The following ATP10B variants were observed in gnomAD, a reference collection of about 807,000 sequenced individuals.
ATP10B encodes phospholipid-transporting ATPase VB.
ATP10B carries 122 observed loss-of-function variants against 141.2 expected under a neutral mutation model. The ratio of observed to expected loss-of-function variants is 0.86; its 90% CI spans 0.75 to 1.00. The LOEUF is 1.00. ATP10B is among the 50% of genes least tolerant of loss of function. The probability of loss-of-function intolerance (pLI) is 0.00; values close to 1 mark genes in which losing one functional copy is unlikely to be tolerated. For synonymous variants in ATP10B, 685 were observed against 692.0 expected (o/e 0.99, Z 0.16); for missense variants, 1,876 against 1,825.3 (o/e 1.03, Z -0.51).
At chr5:160,808,571 TC>T (rs1417577314) in intron 1 of ATP10B, among the ~76,000 whole-genome samples, 2 of 152,292 alleles carry the variant, frequency 1.3e-5, no homozygotes, top group South Asian at 4.1e-4. Context: ...AATAAACCTT[TC>T]CCTACCTTAA....
At position 160,606,931 on chromosome 5, in the gene ATP10B, G is replaced by C; in HGVS notation, c.2994C>G (p.Ile998Met). 6.2e-7 allele frequency: 1 copy of C among 1,614,118 alleles called. No individual in the cohort carries two copies. The highest frequency in any genetic ancestry group is 8.5e-7 in the Non-Finnish European group (1 of 1,180,020). Residue 998 changes from isoleucine (I) to methionine (M), a missense_variant, in exon 19 of 26, where the codon ATC becomes ATG. Ile to Met is a conservative substitution (Grantham distance 10). Transcript: ENST00000327245. Reference sequence around the variant, plus strand: ...AGATGGCATTCAATGTCTTCCCATCGATGACCAATCCAGCTTCTGGAACCA... The same window carrying C: ...AGATGGCATTCAATGTCTTCCCATCCATGACCAATCCAGCTTCTGGAACCA... Reference protein sequence around the residue: ...EAVVPEAGLVIDGKTLNAIFQ... With the variant: ...EAVVPEAGLVMDGKTLNAIFQ...
At chr5:160,830,636 C>T (rs1033365393) in intron 1 of ATP10B, among the ~76,000 whole-genome samples, 1 of 151,780 alleles carries the variant, frequency 6.6e-6, no homozygotes, top group Non-Finnish European at 1.5e-5. Flanking sequence ...AGAAATTGAG[C>T]CAAATTTTTA....
chr5:160,660,964 A>C (rs1355853674), intron 7 of ATP10B, among the ~76,000 whole-genome samples: 1 of 152,224 alleles, frequency 6.6e-6, no homozygotes, highest in African/African-American at 2.4e-5. Context: ...AGGTGGGCGG[A>C]TCAACTGAGG....
intron 1 of ATP10B, among the ~76,000 whole-genome samples, chr5:160,825,466 C>T (rs1338540998): frequency 4.6e-5 from 7 of 152,170 alleles, no homozygotes; most frequent in African/African-American, 1.4e-4. Context: ...ATGCCTTTCA[C>T]CTTCCACCAA....
At chr5:160,915,878 T>C in the ATP10B span, among the ~76,000 whole-genome samples, 1 of 152,076 alleles carries the variant, frequency 6.6e-6, no homozygotes, top group Non-Finnish European at 1.5e-5. Flanking sequence ...GAGTACATGC[T>C]CTCCTGTTCT....
At position 160,687,825 on chromosome 5, in the gene ATP10B, GGGGCA is replaced by G; in HGVS notation, c.245_249del (p.Leu82ProfsTer5). The G allele has an allele frequency of 6.2e-7, 1 of 1,613,998 alleles. No homozygotes were observed. Among genetic ancestry groups the G allele is most frequent in the East Asian group, 2.2e-5 (1 of 44,886 alleles). On this transcript the variant is annotated frameshift_variant, in exon 5 of 26. Coordinates refer to ENST00000327245, the MANE Select transcript of ATP10B (RefSeq NM_025153.3). LOFTEE classifies it high-confidence loss of function. ...CTATGAAATTGCTCAAAGAGATTCCGGGGCAGGAAGGTGAAGAGGGTGTATTTGGT... is the reference window on the plus strand; with the variant it reads ...CTATGAAATTGCTCAAAGAGATTCCGGGAAGGTGAAGAGGGTGTATTTGGT...
intron 24 of ATP10B, among the ~76,000 whole-genome samples, chr5:160,573,305 G>C (rs1754993886): frequency 6.6e-6 from 1 of 152,222 alleles, no homozygotes; most frequent in Non-Finnish European, 1.5e-5. Context: ...ATCAGCTGCT[G>C]CACTGATCTT....
the ATP10B span, among the ~76,000 whole-genome samples, chr5:160,863,875 A>C: frequency 6.6e-6 from 1 of 152,010 alleles, no homozygotes; most frequent in Non-Finnish European, 1.5e-5. Context: ...GGAAATATGC[A>C]ACCCTCCTAG....
intron 1 of ATP10B, among the ~76,000 whole-genome samples, chr5:160,840,214 A>T (rs780936265): frequency 5.3e-5 from 8 of 152,044 alleles, no homozygotes; most frequent in Non-Finnish European, 1.2e-4. Context: ...GAAAATATTG[A>T]CAAGCTTTCT....
At chr5:160,607,184 A>G in intron 18 of ATP10B, 98 bp from the exon 19 acceptor site, 1 of 973,030 alleles carries the variant, frequency 1.0e-6, no homozygotes, top group Non-Finnish European at 1.5e-6. Context: ...ATAAAACTCT[A>G]CTACCATAGA....
intron 1 of ATP10B, among the ~76,000 whole-genome samples, chr5:160,802,452 T>C (rs1341981712): frequency 6.6e-6 from 1 of 152,224 alleles, no homozygotes; most frequent in Non-Finnish European, 1.5e-5. Context: ...TTTTTGGTTG[T>C]CGCACCTGGG....
intron 1 of ATP10B, among the ~76,000 whole-genome samples, chr5:160,817,412 G>C (rs761997279): frequency 1.1e-3 from 174 of 152,246 alleles, no homozygotes; most frequent in Non-Finnish European, 2.0e-3. Context: ...TTGCTTCAAA[G>C]AGAATAAAAT....
In ATP10B at chr5:160,620,697, T is replaced by C. The variant is rs750589269; in HGVS notation, c.2066A>G (p.Asp689Gly). 6.2e-7 allele frequency: 1 copy of C among 1,614,142 alleles called. No homozygotes were observed. The highest frequency in any genetic ancestry group is 1.7e-5 in the Admixed American group (1 of 60,022). Residue 689 changes from aspartate (D) to glycine (G), a missense_variant, in exon 15 of 26, where the codon GAC (aspartate) becomes GGC (glycine). Asp to Gly is a moderately conservative substitution (Grantham distance 94, BLOSUM62 -1). Transcript: ENST00000327245. ...GYRSSMWDQG[D>G]ILESGSGTSL... The stretch of plus-strand genomic sequence containing the variant: ...AGTGCCTGACCCAGACTCCAGGATG[T>C]CGCCCTGGTCCCACATGCTGCTCCT...
chr5:160,820,413 A>T (rs984837767), intron 1 of ATP10B, among the ~76,000 whole-genome samples: 1 of 152,144 alleles, frequency 6.6e-6, no homozygotes. Context: ...GAAAAAAACA[A>T]AAAAAAGCCT....
At chr5:160,740,510 G>A (rs1192738780) in intron 2 of ATP10B, among the ~76,000 whole-genome samples, 1 of 152,172 alleles carries the variant, frequency 6.6e-6, no homozygotes, top group Non-Finnish European at 1.5e-5. Context: ...CTCCACTGAG[G>A]AGCCATGTTG....
At chr5:160,718,388 A>C (rs1386141175) in intron 2 of ATP10B, among the ~76,000 whole-genome samples, 1 of 152,226 alleles carries the variant, frequency 6.6e-6, no homozygotes, top group Admixed American at 6.5e-5. Context: ...TATGGATTCC[A>C]ACCTGGAACA....
chr5:160,652,528 A>G (rs1016113542), intron 7 of ATP10B, among the ~76,000 whole-genome samples: 4 of 146,000 alleles, frequency 2.7e-5, no homozygotes, highest in Non-Finnish European at 6.0e-5. Context: ...GTGCGATCAC[A>G]GCTCACTGTA....
rs145553004 is a variant in ATP10B at position 160,804,957 on chromosome 5, A to G, written c.-575-19154T>C. 3.4e-3 allele frequency among the ~76,000 whole-genome samples: 513 copies of G among 152,342 alleles called. 2 individuals carry two copies. Among genetic ancestry groups the G allele is most frequent in the Middle Eastern group, 6.8e-3 (2 of 294 alleles). Reference sequence around the variant, plus strand: ...AGTATTGCAGAATTATGTGTACCAAAAAATGGCCTTCCAGATACATGGGTT... The same window carrying G: ...AGTATTGCAGAATTATGTGTACCAAGAAATGGCCTTCCAGATACATGGGTT... On this transcript the variant is annotated intron_variant, in intron 1 of 25. Transcript: ENST00000327245.
rs141504655 is a variant in ATP10B at position 160,762,595 on chromosome 5, A to T, written c.-331+22964T>A. Among the ~76,000 whole-genome samples the T allele has an allele frequency of 6.5e-4, 99 of 152,288 alleles. 1 individual carries two copies. In the East Asian group the frequency reaches 0.019, roughly 29 times the overall value. ...TTGAAAGAAAACCTCAAAATACACC[A>T]AAATGAACCTCCTTAAAGCATAAGT... On this transcript the variant is annotated intron_variant, in intron 2 of 25. Transcript: ENST00000327245.
Sources: allele counts gnomAD v4.1 joint callset (sites outside exome capture counted in the v4.1 genomes callset), GRCh38; gene constraint gnomAD v4.1.1; transcripts MANE v1.5; gene names NCBI Gene and HGNC (gene_info 2026-07-23, HGNC 2026-07-21).